The following KIF2A variants were observed in gnomAD, a reference collection of about 807,000 sequenced individuals.
KIF2A encodes kinesin family member 2A, also known as kinesin-like protein KIF2A.
Under a neutral mutation model 100.2 loss-of-function variants are expected in KIF2A, and 22 were observed. That is an observed-to-expected ratio of 0.22 (90% confidence interval 0.16 to 0.31). The LOEUF (loss-of-function observed/expected upper bound fraction) is 0.31, where lower values mean the gene tolerates loss of function less well. Among genes scored for constraint, KIF2A ranks in the 10% least tolerant of loss-of-function variants. The pLI, the probability that KIF2A is intolerant of heterozygous loss-of-function variation, is 1.00. For missense variants in KIF2A, 495 were observed against 898.7 expected, an observed-to-expected ratio of 0.55 and a Z score of 5.74; for synonymous variants, 268 against 285.9, an observed-to-expected ratio of 0.94 and a Z score of 0.63.
At chr5:62,361,820 G>A (rs1411400951) in intron 11 of KIF2A, among the ~76,000 whole-genome samples, 2 of 151,338 alleles carry the variant, frequency 1.3e-5, no homozygotes, top group African/African-American at 2.4e-5. Context: ...TCAGGAGTTC[G>A]AGACCAGCCT....
Position 62,355,171 on chromosome 5 carries a change from A to G in KIF2A, c.571A>G (p.Thr191Ala). The G allele has an allele frequency of 5.1e-6, 8 of 1,569,454 alleles. No homozygotes were observed. Among genetic ancestry groups the G allele is most frequent in the South Asian group, 1.1e-5 (1 of 88,838 alleles). ...TGTCTTCTAATAGGACGTTGATGCTACAAACCCAAATTATGAAATTATGTG... is the reference window on the plus strand; with the variant it reads ...TGTCTTCTAATAGGACGTTGATGCTGCAAACCCAAATTATGAAATTATGTG... Reference protein sequence around the residue: ...REKRAQDVDATNPNYEIMCMI... With the variant: ...REKRAQDVDAANPNYEIMCMI... Residue 191 changes from threonine (T) to alanine (A), a missense_variant, in exon 7 of 21, where the codon ACA becomes GCA. Thr to Ala is a moderately conservative substitution (Grantham distance 58, BLOSUM62 0). Coordinates refer to ENST00000407818, the MANE Select transcript of KIF2A (RefSeq NM_001098511.3).
chr5:62,346,595 C>T (rs536151803), intron 1 of KIF2A, among the ~76,000 whole-genome samples: 2 of 152,198 alleles, frequency 1.3e-5, no homozygotes, highest in African/African-American at 4.8e-5. Context: ...CTAAAATTAG[C>T]TGGGTGTGGT....
At chr5:62,344,701 T>A (rs1747468167) in intron 1 of KIF2A, among the ~76,000 whole-genome samples, 1 of 152,236 alleles carries the variant, frequency 6.6e-6, no homozygotes, top group African/African-American at 2.4e-5. Context: ...TGGCAAACAG[T>A]TGGAAATAAT....
intron 3 of KIF2A, among the ~76,000 whole-genome samples, chr5:62,348,631 CTG>C (rs1180426152): frequency 6.6e-6 from 1 of 152,172 alleles, no homozygotes; most frequent in Non-Finnish European, 1.5e-5. Context: ...TACCTTAAAA[CTG>C]TGCTAAATCC....
At position 62,357,841 on chromosome 5, in the gene KIF2A, A is replaced by T. The variant is rs535959764; in HGVS notation, c.709+96A>T. 15 of 809,760 alleles carry T rather than the reference A, an allele frequency of 1.9e-5. 1 individual carries two copies. In the Admixed American group the frequency reaches 3.9e-4, roughly 21 times the overall value. The allele number at this position is 809,760 out of a possible 1,614,324, so 50.2% of individuals were successfully genotyped here. A position where few individuals can be genotyped will look rare whatever the true frequency, so the allele number is the denominator to read the frequency against. ...ATCAAATTGGTTTGGAAAAAATGTA[A>T]ATCATTTCCTTTGATTTGTATGTAA... On this transcript the variant is annotated intron_variant, in intron 8 of 20. Coordinates refer to ENST00000407818, the MANE Select transcript of KIF2A (RefSeq NM_001098511.3).
intron 1 of KIF2A, among the ~76,000 whole-genome samples, chr5:62,333,129 A>G (rs1327871296): frequency 2.6e-5 from 4 of 152,344 alleles, no homozygotes; most frequent in African/African-American, 9.6e-5. Context: ...TTCTTGCACA[A>G]TCTTTTATTT....
intron 12 of KIF2A, 148 bp from the exon 13 acceptor site, chr5:62,363,030 G>T: frequency 1.8e-6 from 1 of 569,972 alleles, no homozygotes; most frequent in Non-Finnish European, 3.0e-6. Context: ...GTCTCACTAT[G>T]TTGCCCAGGC....
chr5:62,363,468 AATT>A (rs1281859490), intron 13 of KIF2A, 148 bp downstream of exon 13: 12 of 768,282 alleles, frequency 1.6e-5, no homozygotes, highest in South Asian at 3.9e-5. Flanking sequence ...TGTGAGTGAC[AATT>A]ATTATATTGA....
At position 62,386,105 on chromosome 5, in the gene KIF2A, T is replaced by C. The variant is rs11962; in HGVS notation, c.*536T>C. 1 of 153,228 alleles carries C rather than the reference T, an allele frequency of 6.5e-6. No individual in the cohort carries two copies. Among genetic ancestry groups the C allele is most frequent in the Non-Finnish European group, 1.5e-5 (1 of 68,468 alleles). 9.5% of individuals were successfully genotyped at this position (153,228 alleles called of 1,614,324 possible). Reference sequence around the variant, plus strand: ...CACAGCCAAGAAAAATTACATTCCTTGTCATTGTAAATTACCTTTGTGTGT... The same window carrying C: ...CACAGCCAAGAAAAATTACATTCCTCGTCATTGTAAATTACCTTTGTGTGT... On this transcript the variant is annotated 3_prime_UTR_variant, in exon 21 of 21. Coordinates refer to ENST00000407818, the MANE Select transcript of KIF2A (RefSeq NM_001098511.3).
intron 1 of KIF2A, among the ~76,000 whole-genome samples, chr5:62,337,742 A>G (rs1747042898): frequency 6.6e-6 from 1 of 151,620 alleles, no homozygotes; most frequent in Admixed American, 6.6e-5. Context: ...GGAGGATCAC[A>G]TGAGGCTGTA....
intron 7 of KIF2A, among the ~76,000 whole-genome samples, chr5:62,356,564 T>C (rs1748116458): frequency 6.6e-6 from 1 of 152,224 alleles, no homozygotes; most frequent in Non-Finnish European, 1.5e-5. Flanking sequence ...AGGCATGTAT[T>C]GGGAACAAAA....
Position 62,365,126 on chromosome 5 carries a change from A to G in KIF2A, c.1468-117A>G, listed in dbSNP as rs1741004930. On this transcript the variant is annotated intron_variant, in intron 14 of 20. Coordinates refer to ENST00000407818, the MANE Select transcript of KIF2A (RefSeq NM_001098511.3). ...AATAAAACTGTTAGTAGAATTTTCA[A>G]AACTGATCAGACCCTTAAATGTTCA... is the stretch of plus-strand genomic sequence containing the variant. The G allele has an allele frequency of 1.4e-5, 7 of 498,110 alleles. No homozygotes were observed. In the South Asian group the frequency reaches 2.8e-4, roughly 20 times the overall value. 30.9% of individuals were successfully genotyped at this position (498,110 alleles called of 1,614,324 possible).
intron 5 of KIF2A, chr5:62,352,961 A>G (rs1747928731): frequency 2.3e-6 from 1 of 433,296 alleles, no homozygotes; most frequent in East Asian, 4.1e-5. Flanking sequence ...TTCTGGGCAG[A>G]TGATAATTTG....
chr5:62,350,665 A>C (rs1364712444), intron 4 of KIF2A, among the ~76,000 whole-genome samples: 1 of 152,052 alleles, frequency 6.6e-6, no homozygotes, highest in African/African-American at 2.4e-5. Context: ...TAATCTCCAC[A>C]CTTTGGGAGG....
At chr5:62,306,785 C>T in intron 1 of KIF2A, 2 of 467,324 alleles carry the variant, frequency 4.3e-6, no homozygotes, top group Non-Finnish European at 7.6e-6. Context: ...GCCCGGGTGT[C>T]GAGGGTCGCG....
intron 18 of KIF2A, among the ~76,000 whole-genome samples, chr5:62,375,492 G>A (rs1199915602): frequency 3.3e-5 from 5 of 152,212 alleles, no homozygotes; most frequent in African/African-American, 1.2e-4. Flanking sequence ...CAAGTAGTAA[G>A]TACTGAAGCC....
At chr5:62,360,611 G>A (rs545473734) in intron 9 of KIF2A, among the ~76,000 whole-genome samples, 144 of 152,252 alleles carry the variant, frequency 9.5e-4, no homozygotes, top group Non-Finnish European at 1.6e-3. Flanking sequence ...CTTGAACCCG[G>A]GAGGCGGAGG....
At position 62,388,788 on chromosome 5, in the gene KIF2A, T is replaced by C. The variant is rs1742156346; in HGVS notation, c.*3219T>C. ...CTGCGGCTCCTGAACTTGAAGATTA[T>C]TATGAATAGATTGGACCAGCATTAT... is the stretch of plus-strand genomic sequence containing the variant. On this transcript the variant is annotated 3_prime_UTR_variant, in exon 21 of 21. Transcript: ENST00000407818. The C allele has an allele frequency of 3.6e-6, 2 of 559,674 alleles. No individual in the cohort carries two copies. Among genetic ancestry groups the C allele is most frequent in the Non-Finnish European group, 3.2e-6 (1 of 311,658 alleles). The allele number at this position is 559,674 out of a possible 1,614,324, so 34.7% of individuals were successfully genotyped here.
rs115498108 is a variant in KIF2A at position 62,373,378 on chromosome 5, A to T, written c.1761-309A>T. Among the ~76,000 whole-genome samples the T allele has an allele frequency of 0.025, 3,807 of 152,054 alleles. 65 individuals carry two copies. The highest frequency in any genetic ancestry group is 0.06 in the African/African-American group (2,487 of 41,498). On this transcript the variant is annotated intron_variant, in intron 17 of 20. Transcript: ENST00000407818. ...CAGTAGTAAATAAAATGGAAAATTT[A>T]AAAAATTTTTTAAATCATAACAAGT... is the stretch of plus-strand genomic sequence containing the variant.
Sources: gnomAD v4.1 joint callset for allele counts (sites outside exome capture counted in the v4.1 genomes callset) on GRCh38, gnomAD v4.1.1 for gene constraint, MANE v1.5 for transcripts, NCBI Gene and HGNC (gene_info 2026-07-23, HGNC 2026-07-21) for gene names.